Variants in PSME4 observed in about 807,000 individuals in gnomAD.
The protein encoded by PSME4 is proteasome activator subunit 4, also known as proteasome activator complex subunit 4.
In PSME4, 89 loss-of-function variants were observed where a neutral mutation model predicts 253.9. That is an observed-to-expected ratio of 0.35 (90% CI 0.30 to 0.42). PSME4 has a LOEUF of 0.42. Among genes scored for constraint, PSME4 ranks in the 10% least tolerant of loss-of-function variants. The pLI, the probability that PSME4 is intolerant of heterozygous loss-of-function variation, is 1.00. For synonymous variants in PSME4, 851 were observed against 759.2 expected (o/e 1.12, Z -1.99); for missense variants, 2,014 against 2,195.2 (o/e 0.92, Z 1.65).
Position 53,895,608 on chromosome 2 carries a change from G to A in PSME4, c.3817C>T (p.His1273Tyr), listed in dbSNP as rs1420816953. 1.2e-6 allele frequency: 2 copies of A among 1,612,944 alleles called. No individual in the cohort carries two copies. Among genetic ancestry groups the A allele is most frequent in the Admixed American group, 1.7e-5 (1 of 59,762 alleles). ...WESSCFVEKT[H>Y]WGYYTWPKNM... Reference sequence around the variant, plus strand: ...TTTGGCCAGGTGTAGTATCCCCAGTGAGTTTTTTCCACAAAGCAACTTGAC... The same window carrying A: ...TTTGGCCAGGTGTAGTATCCCCAGTAAGTTTTTTCCACAAAGCAACTTGAC... The change falls in exon 33 of 47, where the codon CAC becomes TAC. Residue 1273 changes from histidine to tyrosine, a missense_variant. Physicochemically the swap from His to Tyr is moderately conservative, Grantham distance 83. Transcript: ENST00000404125.
chr2:53,948,655 C>T (rs547472646), intron 2 of PSME4, 118 bp from the exon 3 acceptor site: 118 of 696,348 alleles, frequency 1.7e-4, no homozygotes, highest in Middle Eastern at 4.1e-4. Flanking sequence ...GTTTTGCTTT[C>T]CCCATCCATG....
At chr2:53,896,089 C>T (rs963502271) in intron 32 of PSME4, among the ~76,000 whole-genome samples, 2 of 151,960 alleles carry the variant, frequency 1.3e-5, no homozygotes, top group Non-Finnish European at 2.9e-5. Context: ...ACTGAGACAC[C>T]CAAATTTTGA....
chr2:53,970,777 G>T lies in PSME4; in HGVS notation c.8C>A (p.Pro3Gln). 1.3e-6 allele frequency: 2 copies of T among 1,541,282 alleles called. No homozygotes were observed. Among genetic ancestry groups the T allele is most frequent in the East Asian group, 2.5e-5 (1 of 40,686 alleles). Residue 3 changes from proline (P) to glutamine (Q), a missense_variant, in exon 1 of 47, where the codon CCG becomes CAG. Pro to Gln is a moderately conservative substitution (Grantham distance 76). Coordinates refer to ENST00000404125, the MANE Select transcript of PSME4 (RefSeq NM_014614.3). ...CTCTCCGACTCCCGCCCGCTCGGCC[G>T]GCTCCATGAGCCCAGGGACACCCCC... is the stretch of plus-strand genomic sequence containing the variant. ME[P>Q]AERAGVGEPP...
rs886427087 is a variant in PSME4 at position 53,875,690 on chromosome 2, T to C, written c.4881A>G (p.Ser1627=). 2 of 1,613,162 alleles carry C rather than the reference T, an allele frequency of 1.2e-6. No homozygotes were observed. Among genetic ancestry groups the C allele is most frequent in the African/African-American group, 1.3e-5 (1 of 75,050 alleles). ...ELKRDAKLCL[S]LMSQGLLYPH... ...GGTAAAGCAACCCCTGAGACATTAA[T>C]GATAAACATAACTTTGCATCTCTTT... is the stretch of plus-strand genomic sequence containing the variant. Residue 1627 remains serine (S), a synonymous_variant, in exon 42 of 47, where the codon TCA becomes TCG. Coordinates refer to ENST00000404125, the MANE Select transcript of PSME4 (RefSeq NM_014614.3).
chr2:53,954,479 A>G (rs1670143675), intron 1 of PSME4, among the ~76,000 whole-genome samples: 1 of 152,246 alleles, frequency 6.6e-6, no homozygotes, highest in Non-Finnish European at 1.5e-5. Context: ...CATCTCTATT[A>G]TACATATTTA....
intron 8 of PSME4, among the ~76,000 whole-genome samples, chr2:53,934,100 T>C (rs901267426): frequency 6.6e-6 from 1 of 152,246 alleles, no homozygotes; most frequent in Non-Finnish European, 1.5e-5. Context: ...CTAATATTCT[T>C]ATATGAAAGA....
Position 53,931,848 on chromosome 2 carries a change from G to T in PSME4, c.1303C>A (p.Pro435Thr). The change falls in exon 10 of 47, where the codon CCT becomes ACT. Residue 435 changes from proline to threonine, a missense_variant. Physicochemically the swap from Pro to Thr is conservative, Grantham distance 38. Around this residue, in one of 4 missense-constraint regions of PSME4, gnomAD observed 615 missense variants for 594.4 expected, o/e 1.03. Transcript: ENST00000404125. The stretch of plus-strand genomic sequence containing the variant: ...CTAACCACTTACCTTTCAAGTACAG[G>T]GGGTATTACCAATTCAGGTCTCATG... Reference protein sequence around the residue: ...ALMRPELVIPPVLERTYPALE... With the variant: ...ALMRPELVIPTVLERTYPALE... 6.2e-7 allele frequency: 1 copy of T among 1,614,118 alleles called. No homozygotes were observed. The highest frequency in any genetic ancestry group is 8.5e-7 in the Non-Finnish European group (1 of 1,180,008).
At chr2:53,966,764 C>T (rs759475004) in intron 1 of PSME4, among the ~76,000 whole-genome samples, 48 of 151,854 alleles carry the variant, frequency 3.2e-4, no homozygotes, top group Non-Finnish European at 4.4e-4. Context: ...GCTGGAGTGG[C>T]GCTTGGCTCA....
intron 1 of PSME4, among the ~76,000 whole-genome samples, chr2:53,969,296 C>T (rs143246596): frequency 4.9e-4 from 74 of 152,304 alleles, no homozygotes; most frequent in African/African-American, 1.7e-3. Flanking sequence ...TGATCACTCT[C>T]TGAAGAGGGC....
At chr2:53,953,916 C>T (rs1236231534) in intron 1 of PSME4, among the ~76,000 whole-genome samples, 1 of 152,234 alleles carries the variant, frequency 6.6e-6, no homozygotes, top group Admixed American at 6.5e-5. Flanking sequence ...CATTTTGTTC[C>T]ATCCTCCCAC....
At chr2:53,948,334 C>T in intron 3 of PSME4, 87 bp downstream of exon 3, 1 of 820,576 alleles carries the variant, frequency 1.2e-6, no homozygotes, top group Non-Finnish European at 2.1e-6. Flanking sequence ...TTGTTTCTTT[C>T]AAACAACTCA....
chr2:53,952,795 C>G (rs532639028), intron 1 of PSME4, among the ~76,000 whole-genome samples: 6 of 152,270 alleles, frequency 3.9e-5, no homozygotes, highest in African/African-American at 1.4e-4. Context: ...GGACCTCAGG[C>G]GGTAATGCCC....
At chr2:53,947,778 G>C (rs1669793102) in intron 3 of PSME4, among the ~76,000 whole-genome samples, 1 of 152,090 alleles carries the variant, frequency 6.6e-6, no homozygotes, top group Non-Finnish European at 1.5e-5. Flanking sequence ...GACTTTGGGA[G>C]GCCAAGGCAG....
intron 12 of PSME4, among the ~76,000 whole-genome samples, chr2:53,927,048 T>C (rs1668589084): frequency 6.6e-6 from 1 of 151,340 alleles, no homozygotes; most frequent in Non-Finnish European, 1.5e-5. Context: ...AAAATCTTTC[T>C]TCATTAAATG....
Position 53,930,430 on chromosome 2 carries a change from G to A in PSME4, c.1316+1405C>T, listed in dbSNP as rs77142698. Among the ~76,000 whole-genome samples, 41 of 152,278 alleles carry A rather than the reference G, an allele frequency of 2.7e-4. No homozygotes were observed. The East Asian group carries it at 6.4e-3, about 24-fold the overall frequency. ...ATCAGGGAACCTAACATTAACTGTT[G>A]GCTTCTGCTACTCTGTGGAGGCCAA... On this transcript the variant is annotated intron_variant, in intron 10 of 46. Coordinates refer to ENST00000404125, the MANE Select transcript of PSME4 (RefSeq NM_014614.3).
intron 28 of PSME4, among the ~76,000 whole-genome samples, chr2:53,901,112 C>A (rs971290490): frequency 2.6e-5 from 4 of 152,040 alleles, no homozygotes; most frequent in African/African-American, 9.7e-5. Flanking sequence ...AAATCAATAA[C>A]CCTTTGTGGA....
chr2:53,942,807 C>A (rs889660892), intron 3 of PSME4, among the ~76,000 whole-genome samples: 1 of 152,120 alleles, frequency 6.6e-6, no homozygotes, highest in Non-Finnish European at 1.5e-5. Flanking sequence ...TTTAGGAAAT[C>A]ACATCAAAAT....
intron 35 of PSME4, 127 bp downstream of exon 35, chr2:53,893,547 T>G (rs956117792): frequency 6.6e-7 from 1 of 1,518,430 alleles, no homozygotes; most frequent in African/African-American, 1.4e-5. Flanking sequence ...ACATGTTCAG[T>G]GTAAATTCCA....
chr2:53,883,664 G>C (rs1262576801), intron 41 of PSME4, among the ~76,000 whole-genome samples: 1 of 152,056 alleles, frequency 6.6e-6, no homozygotes, highest in East Asian at 1.9e-4. Flanking sequence ...AGTAAGTTAC[G>C]AGGCATATGC....
Sources: allele counts gnomAD v4.1 joint callset (sites outside exome capture counted in the v4.1 genomes callset), GRCh38; gene constraint gnomAD v4.1.1; regional missense constraint gnomAD v4.1.1; transcripts MANE v1.5; gene names NCBI Gene and HGNC (gene_info 2026-07-23, HGNC 2026-07-21).